Variants in SMS observed in about 807,000 individuals in gnomAD.
SMS encodes spermine synthase, also known as spermidine aminopropyltransferase.
SMS carries 3 observed loss-of-function variants against 33.0 expected under a neutral mutation model. The ratio of observed to expected loss-of-function variants is 0.09; its 90% CI spans 0.04 to 0.23. The LOEUF (loss-of-function observed/expected upper bound fraction) is 0.23, where lower values mean the gene tolerates loss of function less well. Ranked by LOEUF, SMS falls within the 10% of genes least tolerant of loss-of-function variation. SMS has a pLI of 1.00. For synonymous variants in SMS, 103 were observed against 112.2 expected (o/e 0.92, Z 0.52); for missense variants, 117 against 288.6 (o/e 0.41, Z 4.31).
intron 1 of SMS, among the ~76,000 whole-genome samples, chrX:21,948,400 AG>A (rs1428745529): frequency 7.7e-4 from 79 of 102,375 alleles, no homozygotes; most frequent in African/African-American, 2.9e-3. Context: ...GCCCCGCATG[AG>A]ACATTCTAAT....
intron 9 of SMS, among the ~76,000 whole-genome samples, chrX:21,986,248 C>A (rs1403058097): frequency 9.9e-6 from 1 of 101,192 alleles, no homozygotes. Context: ...ACTCAGGAGG[C>A]TGAGGCAGGA....
At chrX:21,953,335 G>A (rs1400276189) in intron 1 of SMS, among the ~76,000 whole-genome samples, 1 of 110,958 alleles carries the variant, frequency 9.0e-6, no homozygotes, top group East Asian at 2.8e-4. Context: ...TATTACAGAA[G>A]CAAGAAACAA....
At chrX:21,969,501 T>C (rs1033090667) in intron 2 of SMS, among the ~76,000 whole-genome samples, 1 of 111,857 alleles carries the variant, frequency 8.9e-6, no homozygotes, top group African/African-American at 3.3e-5. Context: ...CGCCTCTCAC[T>C]GTTTTTACTG....
chrX:21,970,370 A>G (rs1158297400), intron 2 of SMS, among the ~76,000 whole-genome samples: 1 of 110,308 alleles, frequency 9.1e-6, no homozygotes, highest in African/African-American at 3.3e-5. Flanking sequence ...CTCTGTGTTC[A>G]TGCTAGAACC....
At chrX:21,965,429 G>A (rs1204333892) in intron 1 of SMS, among the ~76,000 whole-genome samples, 1 of 110,138 alleles carries the variant, frequency 9.1e-6, no homozygotes, top group Non-Finnish European at 1.9e-5. Context: ...TTGAGCTCAG[G>A]AGTTTGAGAC....
intron 1 of SMS, among the ~76,000 whole-genome samples, chrX:21,947,727 T>TA (rs1285140895): frequency 9.0e-6 from 1 of 111,563 alleles, no homozygotes; most frequent in Non-Finnish European, 1.9e-5. Context: ...CGTGGGTCCC[T>TA]ATTACCCCAT....
intron 2 of SMS, among the ~76,000 whole-genome samples, chrX:21,968,068 G>A (rs1369396546): frequency 8.9e-6 from 1 of 112,247 alleles, no homozygotes; most frequent in Non-Finnish European, 1.9e-5. Flanking sequence ...AGGCCCGTAG[G>A]GGGCATGCCG....
chrX:21,943,597 C>A (rs1921977118), intron 1 of SMS, among the ~76,000 whole-genome samples: 1 of 108,334 alleles, frequency 9.2e-6, no homozygotes, highest in Admixed American at 9.9e-5. Flanking sequence ...GCTTTGATGG[C>A]AAGGCGAACA....
In SMS at chrX:21,944,539, A is replaced by AAAAAAAAAAAG. The variant is rs776946474; in HGVS notation, c.49+3672_49+3673insAAAAGAAAAAA. Among the ~76,000 whole-genome samples the AAAAAAAAAAAG allele has an allele frequency of 4.1e-4, 33 of 81,415 alleles. 2 individuals carry two copies. Among genetic ancestry groups the AAAAAAAAAAAG allele is most frequent in the African/African-American group, 1.4e-3 (29 of 20,453 alleles). The allele number at this position is 81,415 out of a possible 115,157, so 70.7% of individuals were successfully genotyped here. The stretch of plus-strand genomic sequence containing the variant: ...TGTCTCTACAAAAAAAAAAAAAAAA[A>AAAAAAAAAAAG]AAAAAAGAAAAAAAATTAGCCAGGT... On this transcript the variant is annotated intron_variant, in intron 1 of 10. Coordinates refer to ENST00000404933, the MANE Select transcript of SMS (RefSeq NM_004595.5).
chrX:21,944,902 G>A (rs1602177644), intron 1 of SMS, among the ~76,000 whole-genome samples: 1 of 110,699 alleles, frequency 9.0e-6, no homozygotes, highest in African/African-American at 3.3e-5. Flanking sequence ...TGGCTTGAAC[G>A]AGGGAGGTGG....
At chrX:21,944,259 C>T (rs1043247067) in intron 1 of SMS, among the ~76,000 whole-genome samples, 1 of 111,049 alleles carries the variant, frequency 9.0e-6, no homozygotes, top group Admixed American at 9.6e-5. Context: ...CTCTTGAGCC[C>T]GAAAAACATT....
Position 21,992,687 on chromosome X carries a change from G to A in SMS, c.1036G>A (p.Val346Ile), listed in dbSNP as rs184799167. The A allele has an allele frequency of 5.1e-6, 6 of 1,180,740 alleles. No individual in the cohort carries two copies. The highest frequency in any genetic ancestry group is 2.2e-5 in the Admixed American group (1 of 45,680). The part of the protein sequence containing the change: ...YCPVEFSKEI[V>I]CVPSYLELWV... ...TCCTGTGGAATTTTCAAAGGAGATC[G>A]TCTGTGTCCCTTCATACTTGGAATT... is the stretch of plus-strand genomic sequence containing the variant. The change falls in exon 10 of 11, where the codon GTC (valine) becomes ATC (isoleucine). Residue 346 changes from valine to isoleucine, a missense_variant. Val to Ile is a conservative substitution (Grantham distance 29, BLOSUM62 3). Around this residue, in one of 3 missense-constraint regions of SMS, gnomAD observed 69 missense variants for 203.8 expected, o/e 0.34. Transcript: ENST00000404933.
intron 1 of SMS, among the ~76,000 whole-genome samples, chrX:21,962,013 G>A (rs974416532): frequency 7.1e-5 from 8 of 112,236 alleles, no homozygotes; most frequent in African/African-American, 2.6e-4. Context: ...TTGCTATCCT[G>A]TGTTCTCAAG....
At chrX:21,969,872 T>G (rs1474403162) in intron 2 of SMS, among the ~76,000 whole-genome samples, 1 of 113,096 alleles carries the variant, frequency 8.8e-6, no homozygotes, top group East Asian at 2.8e-4. Context: ...TGGAGTGCAG[T>G]GGCACAATCT....
chrX:21,978,204 G>T, intron 6 of SMS, 90 bp downstream of exon 6: 2 of 901,597 alleles, frequency 2.2e-6, no homozygotes, highest in Non-Finnish European at 3.3e-6. Flanking sequence ...TGTTACCACA[G>T]ACTAGAGGCA....
intron 9 of SMS, among the ~76,000 whole-genome samples, chrX:21,988,536 A>G (rs1369056964): frequency 9.2e-6 from 1 of 109,176 alleles, no homozygotes. Context: ...GCGGTGGCAG[A>G]CGCCTGTAGT....
intron 3 of SMS, 46 bp from the exon 4 acceptor site, chrX:21,972,461 C>T (rs1399507225): frequency 3.5e-5 from 31 of 883,026 alleles, no homozygotes; most frequent in Non-Finnish European, 5.0e-5. Flanking sequence ...TTAGTTCTTC[C>T]ATGCAGCTTA....
intron 1 of SMS, among the ~76,000 whole-genome samples, chrX:21,948,882 A>G (rs1236600970): frequency 8.9e-6 from 1 of 112,339 alleles, no homozygotes; most frequent in Non-Finnish European, 1.9e-5. Context: ...ATTTCATGGT[A>G]TAGACTCAGT....
intron 1 of SMS, among the ~76,000 whole-genome samples, chrX:21,947,230 C>G (rs958640426): frequency 8.9e-6 from 1 of 111,957 alleles, no homozygotes; most frequent in Non-Finnish European, 1.9e-5. Context: ...TCCCACTACA[C>G]TTTAATCCCC....
Sources: gnomAD v4.1 joint callset for allele counts (sites outside exome capture counted in the v4.1 genomes callset) on GRCh38, gnomAD v4.1.1 for gene constraint, gnomAD v4.1.1 regional missense constraint, MANE v1.5 for transcripts, NCBI Gene and HGNC (gene_info 2026-07-23, HGNC 2026-07-21) for gene names.